Variants in PCDH11X observed in about 807,000 individuals in gnomAD.
PCDH11X encodes protocadherin 11 X-linked.
Under a neutral mutation model 53.3 loss-of-function variants are expected in PCDH11X, and 18 were observed. The ratio of observed to expected loss-of-function variants is 0.34; its 90% confidence interval spans 0.23 to 0.50. The LOEUF (loss-of-function observed/expected upper bound fraction) is 0.50, where lower values mean the gene tolerates loss of function less well. PCDH11X is among the 20% of genes least tolerant of loss of function. The pLI is 0.98. For synonymous variants in PCDH11X, 279 were observed against 393.3 expected, an observed-to-expected ratio of 0.71 and a Z score of 3.44; for missense variants, 570 against 1,032.4, an observed-to-expected ratio of 0.55 and a Z score of 6.14.
Position 92,148,125 on chromosome X carries a change from TCTTTCTTTTTCC to T in PCDH11X, c.3034-53249_3034-53238del, listed in dbSNP as rs2065351569. ...TTCTTTCTTTCTTTCTTTCTTTCTT[TCTTTCTTTTTCC>T]TTCCTTCCTTCCTTCCTTCCTTCCT... On this transcript the variant is annotated intron_variant, in intron 6 of 10. Transcript: ENST00000682573. Among the ~76,000 whole-genome samples, 98 of 11,276 alleles carry T rather than the reference TCTTTCTTTTTCC, an allele frequency of 8.7e-3. 1 individual carries two copies. Among genetic ancestry groups the T allele is most frequent in the Non-Finnish European group, 0.01 (71 of 6,890 alleles). The allele number at this position is 11,276 out of a possible 115,157, so 9.8% of individuals were successfully genotyped here. A position where few individuals can be genotyped will look rare whatever the true frequency, so the allele number is the denominator to read the frequency against.
At chrX:91,891,467 A>G (rs1358254267) in intron 6 of PCDH11X, among the ~76,000 whole-genome samples, 1 of 100,180 alleles carries the variant, frequency 1.0e-5, no homozygotes, top group African/African-American at 3.8e-5. Context: ...GATTAACCAG[A>G]ATTTTTATAT....
intron 1 of PCDH11X, chrX:91,798,128 G>GTATC (rs1416577118): frequency 9.1e-6 from 1 of 110,353 alleles, no homozygotes; most frequent in Non-Finnish European, 1.9e-5. Context: ...ATAGAGTGTA[G>GTATC]TATCTGTTCC....
At chrX:91,839,989 T>A (rs1937464297) in intron 5 of PCDH11X, among the ~76,000 whole-genome samples, 1 of 111,643 alleles carries the variant, frequency 9.0e-6, no homozygotes, top group Non-Finnish European at 1.9e-5. Flanking sequence ...ATCACAGATC[T>A]CTTTAACTTT....
intron 7 of PCDH11X, among the ~76,000 whole-genome samples, chrX:92,211,390 A>G (rs2066584355): frequency 1.8e-5 from 2 of 111,612 alleles, no homozygotes; most frequent in Non-Finnish European, 3.8e-5. Flanking sequence ...TGATCCAATT[A>G]CTTCCTACCA....
At chrX:92,137,181 A>G (rs1328511507) in intron 6 of PCDH11X, among the ~76,000 whole-genome samples, 1 of 110,315 alleles carries the variant, frequency 9.1e-6, no homozygotes, top group Non-Finnish European at 1.9e-5. Flanking sequence ...CTACAAGCAA[A>G]TATATACATA....
At chrX:92,319,251 C>G in intron 8 of PCDH11X, among the ~76,000 whole-genome samples, 1 of 111,782 alleles carries the variant, frequency 8.9e-6, no homozygotes, top group Non-Finnish European at 1.9e-5. Context: ...TGGAATTCAT[C>G]TTCCTCTATC....
rs1450554660 is a variant in PCDH11X, at chrX:92,285,002, CCT to C, written c.3144+21862_3144+21863del. 4.5e-5 allele frequency among the ~76,000 whole-genome samples: 5 copies of C among 111,068 alleles called. No individual in the cohort carries two copies. In the South Asian group the frequency reaches 1.5e-3, roughly 34 times the overall value. On this transcript the variant is annotated intron_variant, in intron 8 of 10. Coordinates refer to ENST00000682573, the MANE Select transcript of PCDH11X (RefSeq NM_032968.5). ...TAAAAGCACTTTTTTCCACTTTTTC[CCT>C]CTGTTTTCGCCTCCTAATCACTGCA...
intron 6 of PCDH11X, among the ~76,000 whole-genome samples, chrX:92,181,716 G>C (rs904551185): frequency 3.6e-5 from 4 of 112,577 alleles, no homozygotes; most frequent in Non-Finnish European, 7.5e-5. Flanking sequence ...GCTTCAGAGG[G>C]TGCAAGCCCT....
intron 6 of PCDH11X, among the ~76,000 whole-genome samples, chrX:92,041,616 C>T (rs1472850180): frequency 9.0e-6 from 1 of 111,601 alleles, no homozygotes; most frequent in Admixed American, 9.6e-5. Context: ...TTTAATACAC[C>T]ATGTATATAT....
intron 6 of PCDH11X, among the ~76,000 whole-genome samples, chrX:92,131,188 C>T (rs2760032): frequency 5.4e-5 from 6 of 111,625 alleles, no homozygotes; most frequent in Non-Finnish European, 7.5e-5. Context: ...ATTTAAAAAA[C>T]GAATAGTTTT....
At chrX:91,965,853 G>A (rs927500078) in intron 6 of PCDH11X, among the ~76,000 whole-genome samples, 6 of 111,620 alleles carry the variant, frequency 5.4e-5, no homozygotes, top group African/African-American at 2.0e-4. Context: ...CCCCAAAACA[G>A]CAGGGGTTTG....
chrX:92,042,035 A>G (rs1484247005), intron 6 of PCDH11X, among the ~76,000 whole-genome samples: 1 of 112,119 alleles, frequency 8.9e-6, no homozygotes, highest in Admixed American at 9.5e-5. Context: ...TTATTGATAA[A>G]TCAATTTTAA....
At chrX:92,133,990 C>G (rs12850310) in intron 6 of PCDH11X, among the ~76,000 whole-genome samples, 1 of 111,417 alleles carries the variant, frequency 9.0e-6, no homozygotes, top group East Asian at 2.8e-4. Context: ...TGGATCAGTC[C>G]GGAAAGGTGG....
intron 6 of PCDH11X, chrX:92,113,995 A>G (rs2064579025): frequency 3.3e-6 from 4 of 1,208,481 alleles, no homozygotes; most frequent in Non-Finnish European, 3.4e-6. Context: ...AGGGGTACCC[A>G]CGATGATGTG....
intron 6 of PCDH11X, among the ~76,000 whole-genome samples, chrX:92,031,134 C>T (rs967342554): frequency 3.6e-5 from 4 of 111,456 alleles, no homozygotes; most frequent in Non-Finnish European, 5.6e-5. Flanking sequence ...TACTCCACAT[C>T]CTAACCAACA....
At position 92,585,363 on chromosome X, in the gene PCDH11X, C is replaced by T. The variant is rs192907316; in HGVS notation, c.3368-32901C>T. Reference sequence around the variant, plus strand: ...ATTCAAAAGCCAAATGTAAATAGTGCTTTCTTTTTCTTTTTTTTTTTTTTT... The same window carrying T: ...ATTCAAAAGCCAAATGTAAATAGTGTTTTCTTTTTCTTTTTTTTTTTTTTT... On this transcript the variant is annotated intron_variant, in intron 10 of 10. Transcript: ENST00000682573. Among the ~76,000 whole-genome samples, 493 of 102,964 alleles carry T rather than the reference C, an allele frequency of 4.8e-3. 4 individuals carry two copies. Among genetic ancestry groups the T allele is most frequent in the African/African-American group, 0.018 (468 of 26,733 alleles). 89.4% of individuals were successfully genotyped at this position (102,964 alleles called of 115,157 possible). A position where few individuals can be genotyped will look rare whatever the true frequency, so the allele number is the denominator to read the frequency against.
intron 8 of PCDH11X, among the ~76,000 whole-genome samples, chrX:92,272,655 C>G (rs1325153439): frequency 8.9e-6 from 1 of 112,130 alleles, no homozygotes; most frequent in Non-Finnish European, 1.9e-5. Flanking sequence ...CTTATAGGTT[C>G]CTGTAGCTTT....
chrX:92,002,189 T>C (rs1268974648), intron 6 of PCDH11X, among the ~76,000 whole-genome samples: 1 of 111,042 alleles, frequency 9.0e-6, no homozygotes, highest in Non-Finnish European at 1.9e-5. Flanking sequence ...CTTGGAACCT[T>C]TGTCAAAAAT....
At chrX:91,936,514 T>G (rs2524672) in intron 6 of PCDH11X, among the ~76,000 whole-genome samples, 1 of 108,220 alleles carries the variant, frequency 9.2e-6, no homozygotes, top group Non-Finnish European at 1.9e-5. Context: ...CTGAAACATA[T>G]AGTTAGCTCT....
Sources: allele counts gnomAD v4.1 joint callset (sites outside exome capture counted in the v4.1 genomes callset), GRCh38; gene constraint gnomAD v4.1.1; transcripts MANE v1.5; gene names NCBI Gene and HGNC (gene_info 2026-07-23, HGNC 2026-07-21).